Variants in NDUFAF6 observed in about 807,000 individuals in gnomAD.
The protein encoded by NDUFAF6 is NADH dehydrogenase (ubiquinone) complex I, assembly factor 6.
Under a neutral mutation model 40.8 loss-of-function variants are expected in NDUFAF6, and 45 were observed. The observed-to-expected ratio is 1.10, with a 90% CI of 0.87 to 1.42. The LOEUF is 1.42. Ranked by LOEUF, NDUFAF6 falls within the 40% of genes most tolerant of loss-of-function variation. The pLI is 0.00. For synonymous variants in NDUFAF6, 185 were observed against 155.9 expected (o/e 1.19, Z -1.39); for missense variants, 435 against 418.5 (o/e 1.04, Z -0.34).
intron 1 of NDUFAF6, among the ~76,000 whole-genome samples, chr8:94,977,094 G>C (rs908658854): frequency 7.0e-6 from 1 of 142,838 alleles, no homozygotes; most frequent in East Asian, 2.1e-4. Flanking sequence ...AGCCATGATT[G>C]CACCACTGCA....
chr8:94,969,062 CAGA>C (rs1261459651), intron 1 of NDUFAF6, among the ~76,000 whole-genome samples: 1 of 152,092 alleles, frequency 6.6e-6, no homozygotes, highest in African/African-American at 2.4e-5. Flanking sequence ...GAAGATGTTG[CAGA>C]AGAAGTTGGA....
intron 1 of NDUFAF6, among the ~76,000 whole-genome samples, chr8:94,940,608 C>T (rs963936054): frequency 6.6e-6 from 1 of 152,152 alleles, no homozygotes; most frequent in African/African-American, 2.4e-5. Flanking sequence ...TGCCCTTGAT[C>T]TAATCAATCT....
At chr8:95,016,117 G>T (rs73276426) in intron 2 of NDUFAF6, among the ~76,000 whole-genome samples, 1 of 151,762 alleles carries the variant, frequency 6.6e-6, no homozygotes, top group Admixed American at 6.6e-5. Context: ...TGAATGTTTA[G>T]CTTCTCCCCT....
chr8:94,930,405 T>A, intron 1 of NDUFAF6: 1 of 1,563,740 alleles, frequency 6.4e-7, no homozygotes, highest in Non-Finnish European at 8.7e-7. Flanking sequence ...AGACAACATT[T>A]TCACTGTACA....
At chr8:95,061,183 CAG>C, downstream of NDUFAF6, among the ~76,000 whole-genome samples, 1 of 152,144 alleles carries the variant, frequency 6.6e-6, no homozygotes, top group East Asian at 1.9e-4. Context: ...ACAGAATGTT[CAG>C]AGTTCTTAGG....
At chr8:94,934,976 T>C (rs774337740) in intron 1 of NDUFAF6, among the ~76,000 whole-genome samples, 23 of 152,140 alleles carry the variant, frequency 1.5e-4, no homozygotes, top group Non-Finnish European at 3.2e-4. Flanking sequence ...GAAATATGTT[T>C]AGCCTCATAA....
At chr8:95,080,300 T>C (rs1251446709), downstream of NDUFAF6, among the ~76,000 whole-genome samples, 1 of 151,768 alleles carries the variant, frequency 6.6e-6, no homozygotes, top group Non-Finnish European at 1.5e-5. Flanking sequence ...GTATTTTTTG[T>C]AGTGATTTTT....
At chr8:95,083,066 C>A (rs1000535969) in intron 2 of NDUFAF6, among the ~76,000 whole-genome samples, 2 of 152,150 alleles carry the variant, frequency 1.3e-5, no homozygotes, top group Non-Finnish European at 1.5e-5. Context: ...CAGGTGTGAG[C>A]CACTGCACTT....
At chr8:94,924,502 T>A (rs1233194214) in intron 1 of NDUFAF6, among the ~76,000 whole-genome samples, 2 of 152,248 alleles carry the variant, frequency 1.3e-5, no homozygotes, top group Admixed American at 1.3e-4. Context: ...CCTTGTGGTC[T>A]GTACAAATTT....
intron 2 of NDUFAF6, among the ~76,000 whole-genome samples, chr8:95,019,978 C>G (rs761191597): frequency 2.0e-4 from 30 of 152,138 alleles, no homozygotes; most frequent in Non-Finnish European, 4.0e-4. Context: ...GCAGGCAGAT[C>G]GCCTGAGGTC....
At chr8:94,959,668 C>T (rs752364946) in intron 1 of NDUFAF6, among the ~76,000 whole-genome samples, 6 of 151,952 alleles carry the variant, frequency 3.9e-5, no homozygotes. Context: ...GTAGTTGGGA[C>T]TACAGGTGCA....
chr8:94,986,463 C>T (rs1825907832), intron 2 of NDUFAF6, among the ~76,000 whole-genome samples: 2 of 152,008 alleles, frequency 1.3e-5, no homozygotes, highest in South Asian at 4.1e-4. Flanking sequence ...AAAATTGTCA[C>T]CAAAATTAAA....
chr8:95,003,873 G>T (rs1023541360), intron 2 of NDUFAF6, among the ~76,000 whole-genome samples: 12 of 152,132 alleles, frequency 7.9e-5, no homozygotes, highest in African/African-American at 2.9e-4. Flanking sequence ...CATTCATGCT[G>T]TCTAAATTGG....
chr8:94,939,922 G>A (rs1405410633), intron 1 of NDUFAF6: 1 of 1,614,168 alleles, frequency 6.2e-7, no homozygotes, highest in Non-Finnish European at 8.5e-7. Context: ...GACCAGGGCA[G>A]GAGTTATGCA....
intron 9 of NDUFAF6, among the ~76,000 whole-genome samples, chr8:95,075,142 G>C (rs1014733983): frequency 1.3e-5 from 2 of 152,174 alleles, no homozygotes; most frequent in African/African-American, 4.8e-5. Context: ...ACAGACAAAT[G>C]AAAGAGCTCA....
intron 2 of NDUFAF6, among the ~76,000 whole-genome samples, chr8:94,993,726 A>G (rs144769232): frequency 7.2e-4 from 110 of 152,328 alleles, no homozygotes; most frequent in African/African-American, 2.6e-3. Context: ...AAGCCCAGGT[A>G]AGACAAGCTA....
intron 2 of NDUFAF6, chr8:94,949,902 GC>G (rs953104974): frequency 6.6e-6 from 1 of 152,352 alleles, no homozygotes; most frequent in Non-Finnish European, 1.5e-5. Flanking sequence ...TAGCCAGGGT[GC>G]TGGGAGGGGG....
intron 2 of NDUFAF6, among the ~76,000 whole-genome samples, chr8:95,094,411 T>C (rs1353700140): frequency 6.9e-6 from 1 of 145,550 alleles, no homozygotes; most frequent in Non-Finnish European, 1.5e-5. Context: ...TTTTTTTTTT[T>C]TTTGGATTTT....
chr8:94,896,592 C>T (rs1817608740), intron 1 of NDUFAF6: 2 of 152,070 alleles, frequency 1.3e-5, no homozygotes, highest in African/African-American at 4.8e-5. Context: ...TCTCGGAACC[C>T]GCGGTAGCTC....
Sources: allele counts gnomAD v4.1 joint callset (sites outside exome capture counted in the v4.1 genomes callset), GRCh38; gene constraint gnomAD v4.1.1; transcripts MANE v1.5; gene names NCBI Gene and HGNC (gene_info 2026-07-23, HGNC 2026-07-21).